The following HDAC9 variants were observed in gnomAD, a reference collection of about 807,000 sequenced individuals.
The protein encoded by HDAC9 is histone deacetylase 9, also known as MEF-2 interacting transcription repressor (MITR) protein.
Under a neutral mutation model 139.4 loss-of-function variants are expected in HDAC9, and 41 were observed. The ratio of observed to expected loss-of-function variants is 0.29; its 90% CI spans 0.23 to 0.38. The LOEUF (loss-of-function observed/expected upper bound fraction) is 0.38. Among genes scored for constraint, HDAC9 ranks in the 10% least tolerant of loss-of-function variants. The pLI is 1.00. For synonymous variants in HDAC9, 517 were observed against 476.2 expected, an observed-to-expected ratio of 1.09 and a Z score of -1.12; for missense variants, 1,147 against 1,297.0, an observed-to-expected ratio of 0.88 and a Z score of 1.78.
chr7:18,891,878 C>T (rs912594834), intron 22 of HDAC9, among the ~76,000 whole-genome samples: 28 of 152,106 alleles, frequency 1.8e-4, no homozygotes, highest in Admixed American at 2.6e-4. Context: ...TGGATTCATT[C>T]CCTCTGGGGG....
intron 13 of HDAC9, among the ~76,000 whole-genome samples, chr7:18,731,590 A>G (rs1270222570): frequency 6.6e-6 from 1 of 152,160 alleles, no homozygotes; most frequent in African/African-American, 2.4e-5. Flanking sequence ...ATTTCCTGAG[A>G]GCAGAAAGTA....
chr7:18,136,581 T>C (rs1464119514), intron 1 of HDAC9, among the ~76,000 whole-genome samples: 2 of 152,210 alleles, frequency 1.3e-5, no homozygotes, highest in Non-Finnish European at 2.9e-5. Flanking sequence ...CATTGCTTGT[T>C]TTTCTCAGGT....
At chr7:18,856,555 G>T (rs1042249715) in intron 21 of HDAC9, among the ~76,000 whole-genome samples, 3 of 152,058 alleles carry the variant, frequency 2.0e-5, no homozygotes, top group Admixed American at 2.0e-4. Context: ...TGGGCAAAAA[G>T]AAGCCTACAA....
intron 6 of HDAC9, among the ~76,000 whole-genome samples, chr7:18,601,643 G>C (rs73685123): frequency 0.026 from 3,955 of 152,214 alleles, 125 homozygotes; most frequent in African/African-American, 0.073. Context: ...AAATTCAGGA[G>C]TTCCCTCTAT....
intron 2 of HDAC9, among the ~76,000 whole-genome samples, chr7:18,199,670 ACTCTGGGAGG>A (rs1162968455): frequency 6.8e-6 from 1 of 147,312 alleles, no homozygotes; most frequent in African/African-American, 2.5e-5. Flanking sequence ...AAGTCCCAAC[ACTCTGGGAGG>A]CTGAGGCAGG....
At position 18,996,796 on chromosome 7, in the gene HDAC9, A is replaced by G. The variant is rs986764819; in HGVS notation, c.*734A>G. 1.3e-5 allele frequency: 2 copies of G among 152,074 alleles called. No homozygotes were observed. Among genetic ancestry groups the G allele is most frequent in the Non-Finnish European group, 2.9e-5 (2 of 68,030 alleles). 9.4% of individuals were successfully genotyped at this position (152,074 alleles called of 1,614,324 possible). ...ATCTTTGTGTTCTCACACACAGGCA[A>G]TTTGCAATGTTGCAATTGTGTTGGA... is the stretch of plus-strand genomic sequence containing the variant. On this transcript the variant is annotated 3_prime_UTR_variant, in exon 26 of 26. Transcript: ENST00000686413.
chr7:18,383,953 C>G (rs1585519643), intron 1 of HDAC9, among the ~76,000 whole-genome samples: 1 of 151,038 alleles, frequency 6.6e-6, no homozygotes. Context: ...ATTTCTTTGT[C>G]TTAAATGTAC....
intron 17 of HDAC9, among the ~76,000 whole-genome samples, chr7:18,809,271 G>A (rs1793981591): frequency 1.3e-5 from 2 of 151,878 alleles, no homozygotes; most frequent in African/African-American, 4.8e-5. Context: ...TCCTTAACAG[G>A]GTCTTGGCAA....
chr7:18,876,855 A>T lies in HDAC9; in HGVS notation c.2803+2259A>T, dbSNP rs1224431820. On this transcript the variant is annotated intron_variant, in intron 22 of 25. Transcript: ENST00000686413. ...GTAGCTGGGATTACAGGCATGTGCC[A>T]CCATGCCTGGCTCATTTTGTATTTT... Among the ~76,000 whole-genome samples, 20 of 151,942 alleles carry T rather than the reference A, an allele frequency of 1.3e-4. 1 individual carries two copies. Among genetic ancestry groups the T allele is most frequent in the Admixed American group, 1.3e-3 (20 of 15,244 alleles).
chr7:18,249,969 T>C (rs1217344200), intron 2 of HDAC9, among the ~76,000 whole-genome samples: 3 of 152,182 alleles, frequency 2.0e-5, no homozygotes, highest in Non-Finnish European at 4.4e-5. Flanking sequence ...TCTTTTCAGC[T>C]GTGAAGTAAA....
In HDAC9 at chr7:18,896,472, C is replaced by G. The variant is rs533776260; in HGVS notation, c.2803+21876C>G. Among the ~76,000 whole-genome samples the G allele has an allele frequency of 2.3e-3, 352 of 152,108 alleles. 1 individual carries two copies. Among genetic ancestry groups the G allele is most frequent in the Non-Finnish European group, 4.5e-3 (303 of 67,950 alleles). On this transcript the variant is annotated intron_variant, in intron 22 of 25. Coordinates refer to ENST00000686413, the MANE Select transcript of HDAC9 (RefSeq NM_178425.4). ...GAATGTCTGGCACCACATAACTAACCAGAGAATTCAGTAGCTTAGGGTCTA... is the reference window on the plus strand; with the variant it reads ...GAATGTCTGGCACCACATAACTAACGAGAGAATTCAGTAGCTTAGGGTCTA...
At chr7:18,249,240 C>T (rs988558068) in intron 2 of HDAC9, among the ~76,000 whole-genome samples, 3 of 151,770 alleles carry the variant, frequency 2.0e-5, no homozygotes, top group African/African-American at 4.8e-5. Flanking sequence ...TGGTGGCTCA[C>T]GCCTGTAATC....
chr7:18,562,613 C>A (rs6959575), intron 2 of HDAC9, among the ~76,000 whole-genome samples: 3 of 152,270 alleles, frequency 2.0e-5, no homozygotes, highest in Middle Eastern at 3.4e-3. Context: ...TTCATCTGTA[C>A]ATCTGTCCTT....
At chr7:18,734,086 G>A (rs1367548959) in intron 13 of HDAC9, among the ~76,000 whole-genome samples, 4 of 152,028 alleles carry the variant, frequency 2.6e-5, no homozygotes, top group African/African-American at 9.7e-5. Flanking sequence ...TTTAAGGTTT[G>A]TGGCAATCCT....
At chr7:18,825,624 G>A (rs34895513) in intron 17 of HDAC9, among the ~76,000 whole-genome samples, 35,237 of 151,556 alleles carry the variant, frequency 0.23, 5,400 homozygotes, top group Non-Finnish European at 0.34. Context: ...ACCTTTTCAA[G>A]AATGTTGACT....
intron 1 of HDAC9, among the ~76,000 whole-genome samples, chr7:18,130,038 A>C (rs999556649): frequency 6.6e-6 from 1 of 152,176 alleles, no homozygotes; most frequent in African/African-American, 2.4e-5. Flanking sequence ...CAACGGATGA[A>C]GAGTGGATCA....
intron 12 of HDAC9, among the ~76,000 whole-genome samples, chr7:18,675,157 TACTA>T (rs1020695928): frequency 4.1e-4 from 62 of 152,168 alleles, no homozygotes; most frequent in African/African-American, 1.4e-3. Flanking sequence ...AAAGAAAACT[TACTA>T]AATGTGGAAA....
chr7:18,706,498 T>G (rs1463153717), intron 12 of HDAC9, among the ~76,000 whole-genome samples: 1 of 152,262 alleles, frequency 6.6e-6, no homozygotes, highest in Non-Finnish European at 1.5e-5. Context: ...AGGGAAATGA[T>G]TCTTTATTTG....
At chr7:18,617,022 A>G (rs1179066378) in intron 6 of HDAC9, among the ~76,000 whole-genome samples, 1 of 152,234 alleles carries the variant, frequency 6.6e-6, no homozygotes, top group Non-Finnish European at 1.5e-5. Context: ...TGTTCTGTCC[A>G]GAAATCTCAG....
Sources: gnomAD v4.1 joint callset for allele counts (sites outside exome capture counted in the v4.1 genomes callset) on GRCh38, gnomAD v4.1.1 for gene constraint, MANE v1.5 for transcripts, NCBI Gene and HGNC (gene_info 2026-07-23, HGNC 2026-07-21) for gene names.